MAPKBP1: variants seen among roughly 807,000 people sequenced by gnomAD.
MAPKBP1 encodes the protein mitogen-activated protein kinase binding protein 1.
In MAPKBP1, 71 loss-of-function variants were observed where a neutral mutation model predicts 170.5. The ratio of observed to expected loss-of-function variants is 0.42; its 90% CI spans 0.34 to 0.51. MAPKBP1 has a LOEUF of 0.51. Ranked by LOEUF, MAPKBP1 falls within the 20% of genes least tolerant of loss-of-function variation. The pLI is 0.06. For synonymous variants in MAPKBP1, 719 were observed against 757.9 expected, an observed-to-expected ratio of 0.95 and a Z score of 0.84; for missense variants, 1,598 against 1,933.0, an observed-to-expected ratio of 0.83 and a Z score of 3.25.
intron 10 of MAPKBP1, among the ~76,000 whole-genome samples, 176 bp from the exon 11 acceptor site, chr15:41,815,083 G>C (rs1011904460): frequency 7.2e-5 from 11 of 152,172 alleles, no homozygotes; most frequent in African/African-American, 2.7e-4. Flanking sequence ...ATATATAGTG[G>C]GTGCTTCCCC....
At chr15:41,790,144 C>G (rs1248149208) in intron 2 of MAPKBP1, among the ~76,000 whole-genome samples, 2 of 152,178 alleles carry the variant, frequency 1.3e-5, no homozygotes, top group South Asian at 2.1e-4. Flanking sequence ...CAGTAAATGG[C>G]AGCTGTAGAT....
In MAPKBP1 at chr15:41,820,903, G is replaced by A; in HGVS notation, c.2553G>A (p.Trp851Ter). 6.2e-7 allele frequency: 1 copy of A among 1,614,178 alleles called. No individual in the cohort carries two copies. Among genetic ancestry groups the A allele is most frequent in the Non-Finnish European group, 8.5e-7 (1 of 1,180,016 alleles). The change falls in exon 23 of 31, where the codon TGG (tryptophan) becomes TGA (stop). Residue 851 changes from tryptophan (W) to a stop codon, truncating the protein, a stop_gained. Transcript: ENST00000457542. LOFTEE classifies it high-confidence loss of function. ...ANPGPRRRGR[W>*]VQPGVELSVR... ...CAGGACCCAGAAGAAGAGGGCGCTGGGTTCAGCCAGGTGTGGAACTGAGCG... is the reference window on the plus strand; with the variant it reads ...CAGGACCCAGAAGAAGAGGGCGCTGAGTTCAGCCAGGTGTGGAACTGAGCG...
intron 22 of MAPKBP1, 96 bp downstream of exon 22, chr15:41,819,746 TG>T: frequency 7.8e-7 from 1 of 1,275,834 alleles, no homozygotes; most frequent in South Asian, 1.3e-5. Flanking sequence ...TACTGGGGCA[TG>T]GGGTCTGCCC....
chr15:41,803,687 C>G (rs890205815), intron 3 of MAPKBP1, among the ~76,000 whole-genome samples: 1 of 152,014 alleles, frequency 6.6e-6, no homozygotes, highest in African/African-American at 2.4e-5. Flanking sequence ...TGCACTCCAG[C>G]TTGGGTGACA....
chr15:41,821,276 C>T (rs1210309995), intron 23 of MAPKBP1: 2 of 625,842 alleles, frequency 3.2e-6, no homozygotes, highest in African/African-American at 3.7e-5. Flanking sequence ...GGTAGAGAGG[C>T]AAAAGTGGCC....
At position 41,823,700 on chromosome 15, in the gene MAPKBP1, G is replaced by T; in HGVS notation, c.3852G>T (p.Leu1284=). 1 of 1,614,130 alleles carries T rather than the reference G, an allele frequency of 6.2e-7. No individual in the cohort carries two copies. Among genetic ancestry groups the T allele is most frequent in the Non-Finnish European group, 8.5e-7 (1 of 1,180,018 alleles). The change falls in exon 29 of 31, where the codon CTG becomes CTT. Residue 1284 remains leucine, a synonymous_variant. Coordinates refer to ENST00000457542, the MANE Select transcript of MAPKBP1 (RefSeq NM_014994.3). ...IRVSPLSKLA[L]PSRAHLVLDI... is the part of the protein sequence containing the mutation. ...TCTCACCACTCAGCAAGCTGGCCCTGCCCAGCCGGGCTCACCTGGTCCTGG... is the reference window on the plus strand; with the variant it reads ...TCTCACCACTCAGCAAGCTGGCCCTTCCCAGCCGGGCTCACCTGGTCCTGG...
intron 30 of MAPKBP1, 166 bp from the exon 31 acceptor site, chr15:41,825,043 C>G (rs2065066810): frequency 1.7e-6 from 1 of 596,292 alleles, no homozygotes; most frequent in Non-Finnish European, 3.0e-6. Context: ...GGGCGTCACC[C>G]CCAGAGTCTG....
At chr15:41,785,378 A>ATCAC (rs1419583352) in intron 2 of MAPKBP1, among the ~76,000 whole-genome samples, 2 of 152,170 alleles carry the variant, frequency 1.3e-5, no homozygotes, top group Non-Finnish European at 2.9e-5. Context: ...ACTTGTGTGT[A>ATCAC]ATGTATTTCA....
intron 2 of MAPKBP1, among the ~76,000 whole-genome samples, chr15:41,779,580 AG>A (rs957506915): frequency 6.6e-6 from 1 of 151,988 alleles, no homozygotes; most frequent in African/African-American, 2.4e-5. Context: ...TCTGGCCTCA[AG>A]GGCTCCTCCT....
intron 10 of MAPKBP1, among the ~76,000 whole-genome samples, 190 bp from the exon 11 acceptor site, chr15:41,815,069 C>T (rs894828681): frequency 6.6e-6 from 1 of 152,132 alleles, no homozygotes. Flanking sequence ...TAGAAGAGTG[C>T]CTGATATATA....
At position 41,819,201 on chromosome 15, in the gene MAPKBP1, C is replaced by G. The variant is rs1194871350; in HGVS notation, c.2292-45C>G. On this transcript the variant is annotated intron_variant, in intron 20 of 30. Coordinates refer to ENST00000457542, the MANE Select transcript of MAPKBP1 (RefSeq NM_014994.3). ...TTCCCCCACTGAGCCTCCTCTCCCCCTATTGAGTCTCCTCTCCCCATGCCC... is the reference window on the plus strand; with the variant it reads ...TTCCCCCACTGAGCCTCCTCTCCCCGTATTGAGTCTCCTCTCCCCATGCCC... 1.9e-6 allele frequency: 3 copies of G among 1,604,780 alleles called. No individual in the cohort carries two copies. The South Asian group carries it at 3.3e-5, about 18-fold the overall frequency.
At position 41,813,104 on chromosome 15, in the gene MAPKBP1, A is replaced by T. The variant is rs764652157; in HGVS notation, c.819+3A>T. On this transcript the variant is annotated splice_donor_region_variant and intron_variant, in intron 8 of 30. Transcript: ENST00000457542. ...TGGACAAGTGGGTGGAGCTGAGGGT[A>T]AGTACCTCCGTCCCCAGGGGTAGGG... is the stretch of plus-strand genomic sequence containing the variant. The T allele has an allele frequency of 8.8e-6, 14 of 1,596,734 alleles. No individual in the cohort carries two copies. Among genetic ancestry groups the T allele is most frequent in the Non-Finnish European group, 1.2e-5 (14 of 1,171,442 alleles).
At position 41,817,885 on chromosome 15, in the gene MAPKBP1, C is replaced by T. The variant is rs1414066542; in HGVS notation, c.1905-124C>T. 1 of 1,524,228 alleles carries T rather than the reference C, an allele frequency of 6.6e-7. No homozygotes were observed. Among genetic ancestry groups the T allele is most frequent in the Non-Finnish European group, 9.0e-7 (1 of 1,106,084 alleles). 94.4% of individuals were successfully genotyped at this position (1,524,228 alleles called of 1,614,324 possible). ...CTTTGCTTCACCCAAGAGGTGGTAG[C>T]CTGTTTGCTGCTGGGGGTAGCTCCC... On this transcript the variant is annotated intron_variant, in intron 16 of 30. Transcript: ENST00000457542. The surrounding 1 kb of genome is among the most constrained non-coding windows in gnomAD (Gnocchi z 4.2).
At chr15:41,821,321 G>A (rs1006174997) in intron 23 of MAPKBP1, 1 of 608,924 alleles carries the variant, frequency 1.6e-6, no homozygotes, top group Non-Finnish European at 2.9e-6. Context: ...AGGACTCTTG[G>A]TATTAAGTGG....
At chr15:41,782,496 A>G (rs1294680453) in intron 2 of MAPKBP1, among the ~76,000 whole-genome samples, 1 of 152,158 alleles carries the variant, frequency 6.6e-6, no homozygotes, top group African/African-American at 2.4e-5. Context: ...ATCTTATTCA[A>G]GTTTTACAGA....
At chr15:41,777,174 C>A (rs1348223225) in intron 2 of MAPKBP1, among the ~76,000 whole-genome samples, 1 of 152,042 alleles carries the variant, frequency 6.6e-6, no homozygotes. Context: ...AACCTCATCT[C>A]TACTAAAAAT....
intron 3 of MAPKBP1, among the ~76,000 whole-genome samples, chr15:41,804,588 C>G (rs1567144189): frequency 6.6e-6 from 1 of 152,202 alleles, no homozygotes; most frequent in Non-Finnish European, 1.5e-5. Flanking sequence ...AGTGTGGAGT[C>G]CTGCCCGCTT....
At chr15:41,805,017 C>T (rs1043671294) in intron 3 of MAPKBP1, among the ~76,000 whole-genome samples, 4 of 152,206 alleles carry the variant, frequency 2.6e-5, no homozygotes, top group African/African-American at 9.7e-5. Context: ...CCCCAGCCCC[C>T]ACGCTCTTGT....
rs1162028537 is a variant in MAPKBP1 at position 41,817,863 on chromosome 15, T to C, written c.1904+128T>C. On this transcript the variant is annotated intron_variant, in intron 16 of 30. Coordinates refer to ENST00000457542, the MANE Select transcript of MAPKBP1 (RefSeq NM_014994.3). The surrounding 1 kb of genome is among the most constrained non-coding windows in gnomAD (Gnocchi z 4.2). The stretch of plus-strand genomic sequence containing the variant: ...GTACCCCCTTGAGCCTACAGTACTT[T>C]GCTTCACCCAAGAGGTGGTAGCCTG... 1.3e-6 allele frequency: 2 copies of C among 1,552,258 alleles called. No individual in the cohort carries two copies. Among genetic ancestry groups the C allele is most frequent in the South Asian group, 1.2e-5 (1 of 84,934 alleles).
Sources: allele counts gnomAD v4.1 joint callset (sites outside exome capture counted in the v4.1 genomes callset), GRCh38; gene constraint gnomAD v4.1.1; non-coding constraint Gnocchi (gnomAD v3.1); transcripts MANE v1.5; gene names NCBI Gene and HGNC (gene_info 2026-07-23, HGNC 2026-07-21).